PSD3: variants seen among roughly 807,000 people sequenced by gnomAD.
The protein encoded by PSD3 is PH and SEC7 domain-containing protein 3.
A neutral mutation model predicts 105.5 loss-of-function variants in PSD3; 49 were observed. The observed-to-expected ratio is 0.46, with a 90% CI of 0.37 to 0.59. PSD3 has a LOEUF of 0.59. Among genes scored for constraint, PSD3 ranks in the 20% least tolerant of loss-of-function variants. The pLI is 0.00. For synonymous variants in PSD3, 557 were observed against 457.8 expected (o/e 1.22, Z -2.77); for missense variants, 1,561 against 1,263.8 (o/e 1.24, Z -3.57).
chr8:18,570,873 T>TTATTATTAC (rs1291387943), intron 14 of PSD3, among the ~76,000 whole-genome samples: 1 of 147,410 alleles, frequency 6.8e-6, no homozygotes, highest in East Asian at 2.0e-4. Flanking sequence ...ATTATTATTA[T>TTATTATTAC]TATTGAGATG....
chr8:18,867,551 T>G, intron 4 of PSD3, 123 bp downstream of exon 4: 2 of 1,258,426 alleles, frequency 1.6e-6, no homozygotes, highest in Non-Finnish European at 2.2e-6. Flanking sequence ...TTTACTCACA[T>G]CATTTGCTTA....
At chr8:19,013,505 C>G (rs1276065822) in intron 1 of PSD3, 58 bp downstream of exon 1, 2 of 1,578,702 alleles carry the variant, frequency 1.3e-6, no homozygotes, top group East Asian at 2.4e-5. Flanking sequence ...ACAAACCCCA[C>G]GTCGAACAGC....
intron 1 of PSD3, among the ~76,000 whole-genome samples, chr8:18,963,892 T>A (rs1824082453): frequency 1.3e-5 from 2 of 152,188 alleles, no homozygotes; most frequent in Non-Finnish European, 2.9e-5. Context: ...ATTCTATGCT[T>A]ATCTTGCTTA....
chr8:18,988,124 T>C (rs913118992), intron 1 of PSD3, among the ~76,000 whole-genome samples: 2 of 151,698 alleles, frequency 1.3e-5, no homozygotes, highest in Non-Finnish European at 2.9e-5. Flanking sequence ...CATATATATA[T>C]ATACACATGA....
At chr8:18,998,540 A>G (rs892216066) in intron 1 of PSD3, among the ~76,000 whole-genome samples, 7 of 151,944 alleles carry the variant, frequency 4.6e-5, no homozygotes, top group African/African-American at 1.7e-4. Context: ...ACGAAAAATT[A>G]GCTGGGTGTG....
At chr8:18,696,520 T>C (rs979655160) in intron 9 of PSD3, among the ~76,000 whole-genome samples, 2 of 152,194 alleles carry the variant, frequency 1.3e-5, no homozygotes, top group African/African-American at 4.8e-5. Flanking sequence ...GCTCAGCTTG[T>C]GTTAAGATAC....
intron 9 of PSD3, among the ~76,000 whole-genome samples, chr8:18,748,002 A>C (rs1471841882): frequency 6.6e-6 from 1 of 152,132 alleles, no homozygotes; most frequent in South Asian, 2.1e-4. Flanking sequence ...AGAAGCTTTA[A>C]GGGCAAAATA....
rs374081620 is a variant in PSD3, at chr8:18,535,848, C to G, written c.3039G>C (p.Ser1013=). Residue 1013 remains serine (S), a synonymous_variant, in exon 16 of 16, where the codon TCG becomes TCC. Coordinates refer to ENST00000327040, the MANE Select transcript of PSD3 (RefSeq NM_015310.4). ...AGLKKSHSSP[S]LNPDTSPITA... ...TGATTGGAGAAGTATCCGGGTTCAGCGAAGGACTCGAGTGCGACTTCTTCA... is the reference window on the plus strand; with the variant it reads ...TGATTGGAGAAGTATCCGGGTTCAGGGAAGGACTCGAGTGCGACTTCTTCA... 4.3e-6 allele frequency: 7 copies of G among 1,614,072 alleles called. No homozygotes were observed. The East Asian group carries it at 1.3e-4, about 31-fold the overall frequency.
chr8:18,675,234 G>C (rs1473318573), intron 9 of PSD3, among the ~76,000 whole-genome samples: 3 of 152,130 alleles, frequency 2.0e-5, no homozygotes. Context: ...CTTGTCATGA[G>C]CCACTGGGGC....
chr8:18,907,960 C>CAAAATTCA (rs1819956393), intron 2 of PSD3, among the ~76,000 whole-genome samples: 2 of 152,106 alleles, frequency 1.3e-5, no homozygotes, highest in Non-Finnish European at 2.9e-5. Flanking sequence ...CAATATATCA[C>CAAAATTCA]AAAATTCTAA....
chr8:18,621,418 C>T (rs1806100276), intron 11 of PSD3, among the ~76,000 whole-genome samples: 1 of 152,268 alleles, frequency 6.6e-6, no homozygotes, highest in African/African-American at 2.4e-5. Context: ...AGAAAAAAGA[C>T]TATTGCTCCT....
chr8:18,656,538 C>T (rs1462246157), intron 9 of PSD3, among the ~76,000 whole-genome samples: 2 of 152,066 alleles, frequency 1.3e-5, no homozygotes, highest in African/African-American at 4.8e-5. Flanking sequence ...TTCTGCCTTA[C>T]AGTTAAGTAT....
chr8:18,606,298 T>A (rs1804823855), intron 11 of PSD3, among the ~76,000 whole-genome samples: 1 of 152,174 alleles, frequency 6.6e-6, no homozygotes, highest in African/African-American at 2.4e-5. Flanking sequence ...GCTGTGTAAT[T>A]TTATCTTCAG....
At chr8:18,579,392 A>G (rs1802666209) in intron 12 of PSD3, among the ~76,000 whole-genome samples, 1 of 152,180 alleles carries the variant, frequency 6.6e-6, no homozygotes, top group African/African-American at 2.4e-5. Flanking sequence ...TTTCTGTAAG[A>G]AAAGAAAATG....
At chr8:18,991,114 A>G (rs1825766719) in intron 1 of PSD3, among the ~76,000 whole-genome samples, 1 of 152,130 alleles carries the variant, frequency 6.6e-6, no homozygotes, top group Non-Finnish European at 1.5e-5. Flanking sequence ...ACATGGGCCC[A>G]ATTCAGTTTT....
intron 4 of PSD3, among the ~76,000 whole-genome samples, chr8:18,843,063 C>T (rs1026286743): frequency 1.3e-5 from 2 of 152,076 alleles, no homozygotes; most frequent in East Asian, 1.9e-4. Flanking sequence ...TTAATAAAAA[C>T]ATAAAACCAT....
intron 10 of PSD3, among the ~76,000 whole-genome samples, chr8:18,649,968 C>A (rs1158333105): frequency 6.6e-6 from 1 of 152,188 alleles, no homozygotes; most frequent in African/African-American, 2.4e-5. Flanking sequence ...GGCCTGAAGA[C>A]TGTGAGCCAA....
chr8:18,761,767 T>C (rs1346565934), intron 9 of PSD3, among the ~76,000 whole-genome samples: 1 of 152,150 alleles, frequency 6.6e-6, no homozygotes, highest in Non-Finnish European at 1.5e-5. Context: ...TCTTCCATTG[T>C]CCCCAAGGAT....
chr8:18,882,718 T>C (rs1818187510), intron 2 of PSD3, among the ~76,000 whole-genome samples: 1 of 152,114 alleles, frequency 6.6e-6, no homozygotes. Context: ...TTAAGTTACT[T>C]AAAATTTAAT....
Sources: gnomAD v4.1 joint callset for allele counts (sites outside exome capture counted in the v4.1 genomes callset) on GRCh38, gnomAD v4.1.1 for gene constraint, MANE v1.5 for transcripts, NCBI Gene and HGNC (gene_info 2026-07-23, HGNC 2026-07-21) for gene names.